NFYB: variants seen among roughly 807,000 people sequenced by gnomAD.
NFYB encodes CAAT box DNA-binding protein subunit B.
A neutral mutation model predicts 28.0 loss-of-function variants in NFYB; 13 were observed. The ratio of observed to expected loss-of-function variants is 0.46; its 90% CI spans 0.30 to 0.74. The LOEUF (loss-of-function observed/expected upper bound fraction) is 0.74, where lower values mean the gene tolerates loss of function less well. Among genes scored for constraint, NFYB ranks in the 30% least tolerant of loss-of-function variants. The pLI, the probability that NFYB is intolerant of heterozygous loss-of-function variation, is 0.07. For synonymous variants in NFYB, 74 were observed against 75.0 expected, an observed-to-expected ratio of 0.99 and a Z score of 0.07; for missense variants, 142 against 247.6, an observed-to-expected ratio of 0.57 and a Z score of 2.86.
chr12:104,120,008 AG>A (rs1183712720), intron 7 of NFYB, among the ~76,000 whole-genome samples: 1 of 152,050 alleles, frequency 6.6e-6, no homozygotes, highest in Non-Finnish European at 1.5e-5. Flanking sequence ...CTTCTTTATC[AG>A]GTCCTTAATA....
chr12:104,135,713 T>C (rs2136675118), intron 1 of NFYB, among the ~76,000 whole-genome samples, 181 bp from the exon 2 acceptor site: 1 of 152,344 alleles, frequency 6.6e-6, no homozygotes, highest in Non-Finnish European at 1.5e-5. Context: ...TAAATGTTTG[T>C]TGACTTGAAA....
intron 2 of NFYB, among the ~76,000 whole-genome samples, chr12:104,134,020 T>G (rs1156646653): frequency 6.6e-6 from 1 of 152,194 alleles, no homozygotes; most frequent in African/African-American, 2.4e-5. Flanking sequence ...AAGCTGCCAG[T>G]GATCTTGTCC....
At chr12:104,129,970 C>G (rs1198398728) in intron 2 of NFYB, among the ~76,000 whole-genome samples, 3 of 152,094 alleles carry the variant, frequency 2.0e-5, no homozygotes, top group Admixed American at 6.6e-5. Context: ...TTAAAAAAAG[C>G]CTGCTTAATT....
At chr12:104,135,064 C>G (rs943991996) in intron 2 of NFYB, among the ~76,000 whole-genome samples, 1 of 152,208 alleles carries the variant, frequency 6.6e-6, no homozygotes, top group African/African-American at 2.4e-5. Flanking sequence ...AGTTCAAGGT[C>G]TGCAGGATCC....
At chr12:104,122,843 T>TA (rs2030532176) in intron 5 of NFYB, among the ~76,000 whole-genome samples, 1 of 152,192 alleles carries the variant, frequency 6.6e-6, no homozygotes, top group African/African-American at 2.4e-5. Flanking sequence ...GTAATACATT[T>TA]ACAAAGTTAA....
At chr12:104,138,020 C>G (rs2031188450) in intron 1 of NFYB, 121 bp downstream of exon 1, 1 of 146,136 alleles carries the variant, frequency 6.8e-6, no homozygotes, top group African/African-American at 2.5e-5. Flanking sequence ...GGGCGGGAGG[C>G]TAGTGCCCCC....
chr12:104,121,633 ACAC>A (rs955710265), intron 5 of NFYB, among the ~76,000 whole-genome samples: 2 of 152,220 alleles, frequency 1.3e-5, no homozygotes, highest in African/African-American at 4.8e-5. Flanking sequence ...AGTCTGCAAA[ACAC>A]CACCAATATT....
Position 104,135,296 on chromosome 12 carries a change from G to T in NFYB, c.6+152C>A, listed in dbSNP as rs1003801244. On this transcript the variant is annotated intron_variant, in intron 2 of 7. Transcript: ENST00000240055. ...AATATATGCAAGAAGCTGAAAATAA[G>T]GAAGCAACAGGAATGAGCAGAGGTA... 7.0e-6 allele frequency: 4 copies of T among 570,806 alleles called. No homozygotes were observed. The African/African-American group carries it at 7.8e-5, about 11-fold the overall frequency. The allele number at this position is 570,806 out of a possible 1,614,324, so 35.4% of individuals were successfully genotyped here.
chr12:104,136,005 A>G (rs912410135), intron 1 of NFYB, among the ~76,000 whole-genome samples: 13 of 152,168 alleles, frequency 8.5e-5, no homozygotes, highest in African/African-American at 2.7e-4. Flanking sequence ...ATAGCTCAAG[A>G]GGAGGAAAAA....
At chr12:104,124,679 T>C (rs1344084165) in intron 4 of NFYB, among the ~76,000 whole-genome samples, 1 of 152,234 alleles carries the variant, frequency 6.6e-6, no homozygotes, top group African/African-American at 2.4e-5. Context: ...ATTCTTTTCT[T>C]CATACTAAGT....
chr12:104,131,774 G>T (rs943339399), intron 2 of NFYB: 9 of 455,924 alleles, frequency 2.0e-5, no homozygotes, highest in Non-Finnish European at 4.0e-5. Flanking sequence ...CTATGTGCTG[G>T]TCACGTAGCT....
intron 7 of NFYB, 90 bp from the exon 8 acceptor site, chr12:104,119,859 G>A (rs942547024): frequency 1.2e-6 from 1 of 801,818 alleles, no homozygotes; most frequent in Non-Finnish European, 2.1e-6. Context: ...TGAATAAAAA[G>A]ACAATAACAA....
At chr12:104,126,734 T>C (rs1312483759) in intron 3 of NFYB, among the ~76,000 whole-genome samples, 1 of 152,216 alleles carries the variant, frequency 6.6e-6, no homozygotes, top group Non-Finnish European at 1.5e-5. Context: ...GACTTAGCTA[T>C]AAAACTTACA....
rs190041913 is a variant in NFYB at position 104,133,434 on chromosome 12, A to G, written c.6+2014T>C. Among the ~76,000 whole-genome samples, 160 of 152,328 alleles carry G rather than the reference A, an allele frequency of 1.1e-3. 1 individual carries two copies. Among genetic ancestry groups the G allele is most frequent in the Non-Finnish European group, 7.8e-4 (53 of 68,008 alleles). Reference sequence around the variant, plus strand: ...CAGGATGGTGTTTGTGAGATGGTTAAGAAGTGCACCCTGGACGACGGTGAG... The same window carrying G: ...CAGGATGGTGTTTGTGAGATGGTTAGGAAGTGCACCCTGGACGACGGTGAG... On this transcript the variant is annotated intron_variant, in intron 2 of 7. Coordinates refer to ENST00000240055, the MANE Select transcript of NFYB (RefSeq NM_006166.4).
At position 104,118,881 on chromosome 12, in the gene NFYB, C is replaced by T. The variant is rs1323683353; in HGVS notation, c.*856G>A. On this transcript the variant is annotated 3_prime_UTR_variant, in exon 8 of 8. Coordinates refer to ENST00000240055, the MANE Select transcript of NFYB (RefSeq NM_006166.4). Reference sequence around the variant, plus strand: ...AGACATTTACCATCAGACTATAAAACTCCTCTTCTGTAAGAGAATACTATA... The same window carrying T: ...AGACATTTACCATCAGACTATAAAATTCCTCTTCTGTAAGAGAATACTATA... 1.3e-5 allele frequency: 2 copies of T among 152,102 alleles called. No individual in the cohort carries two copies. Among genetic ancestry groups the T allele is most frequent in the Non-Finnish European group, 2.9e-5 (2 of 68,022 alleles). The allele number at this position is 152,102 out of a possible 1,614,324, so 9.4% of individuals were successfully genotyped here.
In NFYB at chr12:104,123,312, C is replaced by CATTG; in HGVS notation, c.339_342dup (p.Gly115GlnfsTer15). Reference sequence around the variant, plus strand: ...GACATAGCAAAGAGAATATCTTCTCCATTGATTGTTTTCCGTTTCTCTTGA... The same window carrying CATTG: ...GACATAGCAAAGAGAATATCTTCTCCATTGATTGATTGTTTTCCGTTTCTCTTGA... On this transcript the variant is annotated frameshift_variant, in exon 5 of 8. Transcript: ENST00000240055. LOFTEE classifies it high-confidence loss of function. The CATTG allele has an allele frequency of 6.2e-7, 1 of 1,614,020 alleles. No individual in the cohort carries two copies.
At chr12:104,131,850 G>A (rs2030937238) in intron 2 of NFYB, 2 of 453,992 alleles carry the variant, frequency 4.4e-6, no homozygotes, top group Admixed American at 4.7e-5. Flanking sequence ...TGGGAGGCAG[G>A]GTGAAGGGGT....
chr12:104,120,100 G>C (rs2030409236), intron 7 of NFYB, among the ~76,000 whole-genome samples: 1 of 151,540 alleles, frequency 6.6e-6, no homozygotes, highest in African/African-American at 2.4e-5. Flanking sequence ...CTATTGCCCA[G>C]GCTGGAGTGC....
chr12:104,135,371 T>C lies in NFYB; in HGVS notation c.6+77A>G. ...TTCATTCTACCAGGCACCTCCAGTA[T>C]AAATTGGTTACAATTTTATTTCCAG... On this transcript the variant is annotated intron_variant, in intron 2 of 7. Transcript: ENST00000240055. 3.0e-6 allele frequency: 4 copies of C among 1,330,458 alleles called. No individual in the cohort carries two copies. The South Asian group carries it at 4.1e-5, about 14-fold the overall frequency. The allele number at this position is 1,330,458 out of a possible 1,614,324, so 82.4% of individuals were successfully genotyped here.
Sources: gnomAD v4.1 joint callset for allele counts (sites outside exome capture counted in the v4.1 genomes callset) on GRCh38, gnomAD v4.1.1 for gene constraint, MANE v1.5 for transcripts, NCBI Gene and HGNC (gene_info 2026-07-23, HGNC 2026-07-21) for gene names.